Variants in PXN observed in about 807,000 individuals in gnomAD.
The protein encoded by PXN is paxillin.
In PXN, 61 loss-of-function variants were observed where a neutral mutation model predicts 103.6. That is an observed-to-expected ratio of 0.59 (90% CI 0.48 to 0.73). The LOEUF (loss-of-function observed/expected upper bound fraction) is 0.73. Among genes scored for constraint, PXN ranks in the 30% least tolerant of loss-of-function variants. PXN has a pLI of 0.00. For synonymous variants in PXN, 562 were observed against 607.8 expected, an observed-to-expected ratio of 0.92 and a Z score of 1.11; for missense variants, 1,274 against 1,460.3, an observed-to-expected ratio of 0.87 and a Z score of 2.08.
chr12:120,215,543 C>A lies in PXN; in HGVS notation c.2403+17G>T, dbSNP rs747029281. The A allele has an allele frequency of 1.3e-6, 2 of 1,563,660 alleles. No individual in the cohort carries two copies. The highest frequency in any genetic ancestry group is 1.4e-5 in the African/African-American group (1 of 73,154). On this transcript the variant is annotated intron_variant, in intron 10 of 14. Transcript: ENST00000637617. This position sits in a 1 kb window ranked among gnomAD's most constrained non-coding sequence, Gnocchi z 4.9. ...GAGCACGACACGCAGGACACCCAGC[C>A]CAGCCTTGGCACTGACCCCTCCCTC...
In PXN at chr12:120,212,204, G is replaced by T. The variant is rs562117346; in HGVS notation, c.*110C>A. ...CATCCCGCACCAGCGGAGGACAAGG[G>T]TTCCAGTTTCAGTCGGGTTTACCCC... On this transcript the variant is annotated 3_prime_UTR_variant, in exon 15 of 15. Coordinates refer to ENST00000637617, the MANE Select transcript of PXN (RefSeq NM_001385981.1). This position sits in a 1 kb window ranked among gnomAD's most constrained non-coding sequence, Gnocchi z 7.2. 5 of 1,443,878 alleles carry T rather than the reference G, an allele frequency of 3.5e-6. No individual in the cohort carries two copies. In the African/African-American group the frequency reaches 4.2e-5, roughly 12 times the overall value. 89.4% of individuals were successfully genotyped at this position (1,443,878 alleles called of 1,614,324 possible).
chr12:120,244,375 G>A (rs1254515084), intron 1 of PXN, among the ~76,000 whole-genome samples: 2 of 151,384 alleles, frequency 1.3e-5, no homozygotes, highest in African/African-American at 4.9e-5. Context: ...GGTCGGGCGC[G>A]GTGGCTCACG....
intron 1 of PXN, among the ~76,000 whole-genome samples, chr12:120,239,267 T>C (rs1393369596): frequency 6.6e-6 from 1 of 152,044 alleles, no homozygotes; most frequent in Non-Finnish European, 1.5e-5. Flanking sequence ...GCCAATGTGG[T>C]GAGACCCTGT....
rs553194037 is a variant in PXN, at chr12:120,212,861, TTC to T, written c.2980-283_2980-282del. ...CTCCCACAGGGCTGGGATTATTTAG[TTC>T]TCCCAACAGGGGAGGCAACTGAAGC... On this transcript the variant is annotated intron_variant, in intron 14 of 14. Transcript: ENST00000637617. This position sits in a 1 kb window ranked among gnomAD's most constrained non-coding sequence, Gnocchi z 7.2. 105 of 327,050 alleles carry T rather than the reference TTC, an allele frequency of 3.2e-4. No individual in the cohort carries two copies. The highest frequency in any genetic ancestry group is 2.2e-3 in the African/African-American group (102 of 46,836). 20.3% of individuals were successfully genotyped at this position (327,050 alleles called of 1,614,324 possible).
At chr12:120,248,411 GCCCT>G (rs1363820952) in intron 1 of PXN, among the ~76,000 whole-genome samples, 1 of 151,260 alleles carries the variant, frequency 6.6e-6, no homozygotes, top group African/African-American at 2.4e-5. Context: ...AGCCCCCACT[GCCCT>G]CAGCAGACAC....
At position 120,224,041 on chromosome 12, in the gene PXN, G is replaced by A. The variant is rs1038649016; in HGVS notation, c.240+110C>T. ...GGAAGAGCAGTGTCTGGTTGGGAAG[G>A]GTCGACTGCCCCAATTCCATTCCAT... On this transcript the variant is annotated intron_variant, in intron 2 of 14. Coordinates refer to ENST00000637617, the MANE Select transcript of PXN (RefSeq NM_001385981.1). The surrounding 1 kb of genome is among the most constrained non-coding windows in gnomAD (Gnocchi z 5.0). 4.3e-6 allele frequency: 4 copies of A among 929,234 alleles called. No homozygotes were observed. Among genetic ancestry groups the A allele is most frequent in the African/African-American group, 3.4e-5 (2 of 59,636 alleles). 57.6% of individuals were successfully genotyped at this position (929,234 alleles called of 1,614,324 possible).
At chr12:120,234,986 TTG>T (rs961729695) in intron 1 of PXN, among the ~76,000 whole-genome samples, 1 of 152,096 alleles carries the variant, frequency 6.6e-6, no homozygotes, top group Non-Finnish European at 1.5e-5. Flanking sequence ...ACCTCACCCT[TTG>T]TGTCTCGGGT....
At chr12:120,262,176 C>A (rs1480761677) in intron 1 of PXN, among the ~76,000 whole-genome samples, 8 of 152,148 alleles carry the variant, frequency 5.3e-5, no homozygotes, top group Non-Finnish European at 7.4e-5. Context: ...AGCACTACCC[C>A]CAAGGACAAT....
At position 120,213,374 on chromosome 12, in the gene PXN, C is replaced by T. The variant is rs1049540028; in HGVS notation, c.2979+468G>A. Among the ~76,000 whole-genome samples, 3 of 149,812 alleles carry T rather than the reference C, an allele frequency of 2.0e-5. No individual in the cohort carries two copies. The East Asian group carries it at 6.5e-4, about 33-fold the overall frequency. On this transcript the variant is annotated intron_variant, in intron 14 of 14. Transcript: ENST00000637617. The surrounding 1 kb of genome is among the most constrained non-coding windows in gnomAD (Gnocchi z 4.2). ...CAGTCTGGGCAACAGAGTGAGACTCCGTCTCAAAAAAAGAAAAGAAAAGAA... is the reference window on the plus strand; with the variant it reads ...CAGTCTGGGCAACAGAGTGAGACTCTGTCTCAAAAAAAGAAAAGAAAAGAA...
Position 120,216,543 on chromosome 12 carries a change from T to C in PXN, c.2031A>G (p.Arg677=). 1 of 1,412,338 alleles carries C rather than the reference T, an allele frequency of 7.1e-7. No homozygotes were observed. The highest frequency in any genetic ancestry group is 9.2e-7 in the Non-Finnish European group (1 of 1,091,998). 87.5% of individuals were successfully genotyped at this position (1,412,338 alleles called of 1,614,324 possible). A position where few individuals can be genotyped will look rare whatever the true frequency, so the allele number is the denominator to read the frequency against. ...FPPGSPIPLR[R]TISVLASPSV... ...AAGGAGAAGCCAGGACAGAGATGGTTCTTCTCAGGGGAATGGGAGAGCCAG... is the reference window on the plus strand; with the variant it reads ...AAGGAGAAGCCAGGACAGAGATGGTCCTTCTCAGGGGAATGGGAGAGCCAG... Residue 677 remains arginine, a synonymous_variant, in exon 9 of 15, where the codon AGA becomes AGG. Transcript: ENST00000637617. This position sits in a 1 kb window ranked among gnomAD's most constrained non-coding sequence, Gnocchi z 5.1.
intron 1 of PXN, among the ~76,000 whole-genome samples, chr12:120,243,560 C>T (rs76746929): frequency 0.017 from 2,625 of 152,260 alleles, 63 homozygotes; most frequent in African/African-American, 0.059. Context: ...GGTGCTATAG[C>T]ACATGCCTGT....
At chr12:120,218,042 ATTTT>A (rs1167466002) in intron 7 of PXN, among the ~76,000 whole-genome samples, 1 of 99,246 alleles carries the variant, frequency 1.0e-5, no homozygotes, top group Non-Finnish European at 2.1e-5. Context: ...AGCTTGGGGG[ATTTT>A]TTTTTTTTTT....
chr12:120,246,782 G>C (rs977739343), intron 1 of PXN, among the ~76,000 whole-genome samples: 3 of 151,556 alleles, frequency 2.0e-5, no homozygotes, highest in Non-Finnish European at 4.4e-5. Context: ...TTGAACCCGG[G>C]AGGCAGAGGT....
Position 120,211,917 on chromosome 12 carries a change from A to C in PXN, c.*397T>G, listed in dbSNP as rs1460639962. The C allele has an allele frequency of 9.4e-6, 5 of 530,040 alleles. No homozygotes were observed. Among genetic ancestry groups the C allele is most frequent in the South Asian group, 7.0e-5 (5 of 71,632 alleles). The allele number at this position is 530,040 out of a possible 1,614,324, so 32.8% of individuals were successfully genotyped here. A position where few individuals can be genotyped will look rare whatever the true frequency, so the allele number is the denominator to read the frequency against. On this transcript the variant is annotated 3_prime_UTR_variant, in exon 15 of 15. Transcript: ENST00000637617. Reference sequence around the variant, plus strand: ...TTAGGTCGGGGGAGGAATAAGGATAAAAAGAGACCCCAACAGACCCTGCCT... The same window carrying C: ...TTAGGTCGGGGGAGGAATAAGGATACAAAGAGACCCCAACAGACCCTGCCT...
intron 1 of PXN, among the ~76,000 whole-genome samples, chr12:120,254,941 C>T (rs542397412): frequency 6.6e-6 from 1 of 152,178 alleles, no homozygotes; most frequent in Admixed American, 6.5e-5. Context: ...AATACAGGCC[C>T]AGAGAAGAGA....
At chr12:120,247,631 T>A (rs901602718) in intron 1 of PXN, 2 of 159,906 alleles carry the variant, frequency 1.3e-5, no homozygotes, top group African/African-American at 2.4e-5. Flanking sequence ...AGAATCACTA[T>A]AAGAAAAACG....
At chr12:120,240,419 C>G (rs148675314) in intron 1 of PXN, among the ~76,000 whole-genome samples, 2 of 152,342 alleles carry the variant, frequency 1.3e-5, no homozygotes, top group East Asian at 3.9e-4. Context: ...GACTCTCCCA[C>G]AGTGGCTCCA....
In PXN at chr12:120,212,756, AT is replaced by A. The variant is rs1244881977; in HGVS notation, c.2980-177del. The A allele has an allele frequency of 4.2e-5, 29 of 697,832 alleles. No homozygotes were observed. The highest frequency in any genetic ancestry group is 6.1e-5 in the East Asian group (2 of 32,754). 43.2% of individuals were successfully genotyped at this position (697,832 alleles called of 1,614,324 possible). ...TTTTCATTTTTATTTTATTAAATAA[AT>A]TTTTTTTGTAGAGATGGGGGTCTCA... On this transcript the variant is annotated intron_variant, in intron 14 of 14. Transcript: ENST00000637617. This position sits in a 1 kb window ranked among gnomAD's most constrained non-coding sequence, Gnocchi z 7.2.
chr12:120,253,053 G>T (rs2136646379), intron 1 of PXN, among the ~76,000 whole-genome samples: 1 of 149,830 alleles, frequency 6.7e-6, no homozygotes, highest in South Asian at 2.1e-4. Flanking sequence ...GCAATCTCCT[G>T]ATGTTTTAAA....
Sources: allele counts gnomAD v4.1 joint callset (sites outside exome capture counted in the v4.1 genomes callset), GRCh38; gene constraint gnomAD v4.1.1; non-coding constraint Gnocchi (gnomAD v3.1); transcripts MANE v1.5; gene names NCBI Gene and HGNC (gene_info 2026-07-23, HGNC 2026-07-21).